The following WIPF3 variants were observed in gnomAD, a reference collection of about 807,000 sequenced individuals.
WIPF3 encodes the protein WAS/WASL-interacting protein family member 3.
Under a neutral mutation model 38.9 loss-of-function variants are expected in WIPF3, and 33 were observed. The ratio of observed to expected loss-of-function variants is 0.85; its 90% CI spans 0.64 to 1.14. The LOEUF (loss-of-function observed/expected upper bound fraction) is 1.14. Ranked by LOEUF, WIPF3 falls within the 50% of genes most tolerant of loss-of-function variation. The pLI, the probability that WIPF3 is intolerant of heterozygous loss-of-function variation, is 0.00. For synonymous variants in WIPF3, 324 were observed against 269.3 expected (o/e 1.20, Z -1.99); for missense variants, 711 against 652.5 (o/e 1.09, Z -0.98).
chr7:29,836,589 A>G (rs902444994), intron 2 of WIPF3, among the ~76,000 whole-genome samples: 9 of 152,256 alleles, frequency 5.9e-5, no homozygotes, highest in African/African-American at 2.2e-4. Flanking sequence ...CAACAATGCT[A>G]TTTATTCTAG....
chr7:29,901,031 G>C (rs1354198546), intron 7 of WIPF3, among the ~76,000 whole-genome samples: 1 of 152,202 alleles, frequency 6.6e-6, no homozygotes, highest in African/African-American at 2.4e-5. Context: ...ATTCTGGGTG[G>C]TTATGAATGG....
chr7:29,842,933 G>C (rs544195903), intron 2 of WIPF3, among the ~76,000 whole-genome samples: 2 of 152,280 alleles, frequency 1.3e-5, no homozygotes, highest in Non-Finnish European at 1.5e-5. Flanking sequence ...CTGGTACTTC[G>C]ATTAGTGTCA....
At chr7:29,900,269 C>T (rs913128395) in intron 7 of WIPF3, among the ~76,000 whole-genome samples, 2 of 152,128 alleles carry the variant, frequency 1.3e-5, no homozygotes, top group Non-Finnish European at 2.9e-5. Flanking sequence ...GGTTATCGCT[C>T]AATGGTGAAA....
rs1294462458 is a variant in WIPF3 at position 29,879,191 on chromosome 7, G to A, written c.355+51G>A. On this transcript the variant is annotated intron_variant, in intron 4 of 8. Coordinates refer to ENST00000242140, the MANE Select transcript of WIPF3 (RefSeq NM_001080529.3). ...CTTGTGGTCTGTATCTCCTTAACTT[G>A]TGGAACCATCTGGGCAATCCACACA... 5.7e-6 allele frequency: 9 copies of A among 1,582,030 alleles called. No individual in the cohort carries two copies. The African/African-American group carries it at 6.7e-5, about 12-fold the overall frequency.
At chr7:29,846,250 A>C (rs1159701040) in intron 2 of WIPF3, among the ~76,000 whole-genome samples, 2 of 152,186 alleles carry the variant, frequency 1.3e-5, no homozygotes, top group Non-Finnish European at 2.9e-5. Flanking sequence ...TTGCATGAAG[A>C]TTTTTTAAAA....
chr7:29,908,354 G>C (rs1313045773), intron 8 of WIPF3, among the ~76,000 whole-genome samples: 1 of 152,238 alleles, frequency 6.6e-6, no homozygotes, highest in Non-Finnish European at 1.5e-5. Context: ...AATGCATGAA[G>C]CAAAACTGAC....
chr7:29,869,500 A>G (rs527766910), intron 2 of WIPF3, among the ~76,000 whole-genome samples: 14 of 152,334 alleles, frequency 9.2e-5, no homozygotes, highest in African/African-American at 3.4e-4. Flanking sequence ...TAAAGTAACC[A>G]TCATGTGCAT....
At chr7:29,869,939 T>C (rs1048834711) in intron 2 of WIPF3, among the ~76,000 whole-genome samples, 1 of 152,150 alleles carries the variant, frequency 6.6e-6, no homozygotes, top group South Asian at 2.1e-4. Flanking sequence ...CAGCAGGCAA[T>C]ACTAATGAGG....
At chr7:29,900,749 C>T (rs1786258723) in intron 7 of WIPF3, among the ~76,000 whole-genome samples, 1 of 152,232 alleles carries the variant, frequency 6.6e-6, no homozygotes, top group Non-Finnish European at 1.5e-5. Context: ...GCTAGAGAAG[C>T]CAAAGCAGAA....
chr7:29,894,516 G>C (rs1786090908), intron 7 of WIPF3, among the ~76,000 whole-genome samples: 1 of 152,164 alleles, frequency 6.6e-6, no homozygotes, highest in African/African-American at 2.4e-5. Context: ...GCATGTTCCT[G>C]TCATCCCTGT....
intron 7 of WIPF3, among the ~76,000 whole-genome samples, chr7:29,892,435 G>C (rs192829577): frequency 1.3e-5 from 2 of 152,356 alleles, no homozygotes; most frequent in Admixed American, 1.3e-4. Context: ...ATTGGAGCGT[G>C]AACCTGTAAG....
At chr7:29,831,020 C>T (rs546121326) in intron 1 of WIPF3, among the ~76,000 whole-genome samples, 16 of 152,330 alleles carry the variant, frequency 1.1e-4, no homozygotes, top group South Asian at 2.1e-4. Flanking sequence ...TAGACACTGA[C>T]GAGCATGTTC....
chr7:29,897,039 A>C (rs904557394), intron 7 of WIPF3, among the ~76,000 whole-genome samples: 1 of 152,206 alleles, frequency 6.6e-6, no homozygotes, highest in African/African-American at 2.4e-5. Context: ...CTCTGTCTCT[A>C]TTAATTTCAC....
At position 29,902,562 on chromosome 7, in the gene WIPF3, G is replaced by T. The variant is rs1359831512; in HGVS notation, c.1352-1724G>T. The stretch of plus-strand genomic sequence containing the variant: ...TTTCTGAAGGGAGTTTTTTGGCCAG[G>T]CATGGTGGCTCATGCCTATAATCCC... On this transcript the variant is annotated intron_variant, in intron 7 of 8. Transcript: ENST00000242140. 3.9e-5 allele frequency among the ~76,000 whole-genome samples: 6 copies of T among 152,082 alleles called. No individual in the cohort carries two copies. The East Asian group carries it at 5.8e-4, about 15-fold the overall frequency.
intron 2 of WIPF3, among the ~76,000 whole-genome samples, chr7:29,872,602 G>T (rs1785514985): frequency 6.6e-6 from 1 of 151,768 alleles, no homozygotes; most frequent in Admixed American, 6.6e-5. Flanking sequence ...GACCATCCTG[G>T]CTAACACCGT....
At chr7:29,818,139 T>A (rs1784483814) in intron 1 of WIPF3, among the ~76,000 whole-genome samples, 1 of 152,198 alleles carries the variant, frequency 6.6e-6, no homozygotes, top group African/African-American at 2.4e-5. Flanking sequence ...GCTACCTTTT[T>A]AAATTATCTT....
rs1363365390 is a variant in WIPF3 at position 29,888,488 on chromosome 7, T to TGTGTGC, written c.1249+283_1249+288dup. 9.3e-3 allele frequency among the ~76,000 whole-genome samples: 1,294 copies of TGTGTGC among 138,718 alleles called. 10 individuals are homozygous for TGTGTGC. The highest frequency in any genetic ancestry group is 0.024 in the Middle Eastern group (6 of 252). 91.0% of individuals were successfully genotyped at this position (138,718 alleles called of 152,430 possible). A position where few individuals can be genotyped will look rare whatever the true frequency, so the allele number is the denominator to read the frequency against. ...AAGCAGCATTTAAACTGTGTGAGTG[T>TGTGTGC]GTGTGCGTGTGCGTGTGTGTGCGTG... On this transcript the variant is annotated intron_variant, in intron 6 of 8. Coordinates refer to ENST00000242140, the MANE Select transcript of WIPF3 (RefSeq NM_001080529.3).
intron 3 of WIPF3, among the ~76,000 whole-genome samples, chr7:29,876,922 G>A (rs1279353173): frequency 6.6e-6 from 1 of 152,090 alleles, no homozygotes; most frequent in Non-Finnish European, 1.5e-5. Flanking sequence ...GAAATGGGGA[G>A]ACAATACCTG....
At chr7:29,813,653 T>C (rs1327552328) in intron 1 of WIPF3, among the ~76,000 whole-genome samples, 1 of 152,242 alleles carries the variant, frequency 6.6e-6, no homozygotes, top group African/African-American at 2.4e-5. Flanking sequence ...AGTTTTTTTC[T>C]TAAAAATCAG....
Sources: allele counts gnomAD v4.1 joint callset (sites outside exome capture counted in the v4.1 genomes callset), GRCh38; gene constraint gnomAD v4.1.1; transcripts MANE v1.5; gene names NCBI Gene and HGNC (gene_info 2026-07-23, HGNC 2026-07-21).